FSD1L: variants seen among roughly 807,000 people sequenced by gnomAD.
The protein encoded by FSD1L is FSD1-like protein.
A neutral mutation model predicts 71.6 loss-of-function variants in FSD1L; 45 were observed. The ratio of observed to expected loss-of-function variants is 0.63; its 90% CI spans 0.49 to 0.81. The LOEUF (loss-of-function observed/expected upper bound fraction) is 0.81, where lower values mean the gene tolerates loss of function less well. Among genes scored for constraint, FSD1L ranks in the 30% least tolerant of loss-of-function variants. The pLI is 0.00. For synonymous variants in FSD1L, 197 were observed against 207.2 expected, an observed-to-expected ratio of 0.95 and a Z score of 0.42; for missense variants, 561 against 618.1, an observed-to-expected ratio of 0.91 and a Z score of 0.98.
At chr9:105,452,184 C>G (rs1410145132) in intron 1 of FSD1L, among the ~76,000 whole-genome samples, 1 of 152,188 alleles carries the variant, frequency 6.6e-6, no homozygotes, top group Non-Finnish European at 1.5e-5. Flanking sequence ...AAGCTATGTG[C>G]TATTCTTTGC....
chr9:105,533,814 C>T (rs1836084579), intron 10 of FSD1L, among the ~76,000 whole-genome samples: 2 of 151,666 alleles, frequency 1.3e-5, no homozygotes, highest in Non-Finnish European at 1.5e-5. Flanking sequence ...ACCTCTGACT[C>T]CTGGGTTCAA....
chr9:105,452,879 T>C (rs888525233), intron 1 of FSD1L, among the ~76,000 whole-genome samples: 1 of 151,876 alleles, frequency 6.6e-6, no homozygotes, highest in Non-Finnish European at 1.5e-5. Context: ...GGACTACAGG[T>C]GCATGCCACC....
intron 1 of FSD1L, among the ~76,000 whole-genome samples, chr9:105,456,606 A>G (rs1190354748): frequency 6.6e-6 from 1 of 152,200 alleles, no homozygotes; most frequent in East Asian, 1.9e-4. Context: ...GCTAGGGTGT[A>G]TATGATGCTT....
intron 1 of FSD1L, among the ~76,000 whole-genome samples, chr9:105,452,810 T>A (rs1303833052): frequency 1.3e-5 from 2 of 151,850 alleles, no homozygotes; most frequent in East Asian, 3.9e-4. Flanking sequence ...TGGCTCACCA[T>A]GGCAACCTCT....
rs2131602617 is a variant in FSD1L, at chr9:105,461,559, G to A, written c.55G>A (p.Ala19Thr). The A allele has an allele frequency of 5.8e-6, 9 of 1,551,824 alleles. No individual in the cohort carries two copies. The highest frequency in any genetic ancestry group is 7.8e-6 in the Non-Finnish European group (9 of 1,146,858). The change falls in exon 2 of 14, where the codon GCC becomes ACC. Residue 19 changes from alanine (A) to threonine (T), a missense_variant. By Grantham distance (58) the Ala-to-Thr change is moderately conservative (BLOSUM62 0). Around this residue, in one of 3 missense-constraint regions of FSD1L, gnomAD observed 410 missense variants for 413.5 expected, o/e 0.99. Transcript: ENST00000481272. ...KENENVTVDK[A>T]CFLISNITIG... ...GAATGAAAACGTTACAGTTGATAAA[G>A]CCTGTTTTCTGATCTCTAACATCAC... is the stretch of plus-strand genomic sequence containing the variant.
At chr9:105,460,663 T>C (rs184207453) in intron 1 of FSD1L, among the ~76,000 whole-genome samples, 11 of 152,038 alleles carry the variant, frequency 7.2e-5, no homozygotes, top group Admixed American at 2.6e-4. Flanking sequence ...GATAGTATCA[T>C]AGAAAATGGA....
chr9:105,489,234 C>T lies in FSD1L; in HGVS notation c.586+4732C>T, dbSNP rs538112927. Among the ~76,000 whole-genome samples, 198 of 152,026 alleles carry T rather than the reference C, an allele frequency of 1.3e-3. 2 individuals carry two copies. The highest frequency in any genetic ancestry group is 2.5e-3 in the Non-Finnish European group (171 of 67,974). On this transcript the variant is annotated intron_variant, in intron 7 of 13. Coordinates refer to ENST00000481272, the MANE Select transcript of FSD1L (RefSeq NM_001145313.3). Reference sequence around the variant, plus strand: ...CTATTAGGTAAAATGCATGGTGAAGCCTACATATGCCTTTTTTGGGGCCCA... The same window carrying T: ...CTATTAGGTAAAATGCATGGTGAAGTCTACATATGCCTTTTTTGGGGCCCA...
chr9:105,496,741 G>T (rs1310730372), intron 7 of FSD1L, among the ~76,000 whole-genome samples: 1 of 152,234 alleles, frequency 6.6e-6, no homozygotes, highest in Non-Finnish European at 1.5e-5. Context: ...CTGCAGCCTT[G>T]CTGCAATCAC....
chr9:105,445,980 C>G (rs892349416), upstream of FSD1L, among the ~76,000 whole-genome samples: 7 of 152,164 alleles, frequency 4.6e-5, no homozygotes, highest in African/African-American at 1.7e-4. Flanking sequence ...CTTCTTTTCC[C>G]TTTTGTAACT....
chr9:105,463,534 A>G (rs1293269907), intron 2 of FSD1L, among the ~76,000 whole-genome samples: 1 of 152,246 alleles, frequency 6.6e-6, no homozygotes, highest in Non-Finnish European at 1.5e-5. Context: ...TCACATTTCA[A>G]GACTTCTTTA....
In FSD1L at chr9:105,548,255, T is replaced by A. The variant is rs1837118915; in HGVS notation, c.*1772T>A. On this transcript the variant is annotated 3_prime_UTR_variant, in exon 14 of 14. Coordinates refer to ENST00000481272, the MANE Select transcript of FSD1L (RefSeq NM_001145313.3). ...GTTTGAAAGAAATTTTCAGATGTTC[T>A]GTTCCCTATAGAGGGCCTATTCCAG... The A allele has an allele frequency of 6.6e-6, 1 of 152,150 alleles. No homozygotes were observed. Among genetic ancestry groups the A allele is most frequent in the Non-Finnish European group, 1.5e-5 (1 of 67,968 alleles). 9.4% of individuals were successfully genotyped at this position (152,150 alleles called of 1,614,324 possible). A position where few individuals can be genotyped will look rare whatever the true frequency, so the allele number is the denominator to read the frequency against.
At chr9:105,528,130 G>A (rs1835644151) in intron 10 of FSD1L, among the ~76,000 whole-genome samples, 1 of 152,146 alleles carries the variant, frequency 6.6e-6, no homozygotes, top group Non-Finnish European at 1.5e-5. Context: ...ACTACTCAAG[G>A]AAATAAGGGA....
At chr9:105,487,556 A>T (rs1832632725) in intron 7 of FSD1L, among the ~76,000 whole-genome samples, 1 of 151,878 alleles carries the variant, frequency 6.6e-6, no homozygotes, top group South Asian at 2.1e-4. Flanking sequence ...CTCCCTATTT[A>T]TGAATTTTGT....
intron 10 of FSD1L, chr9:105,526,116 C>T: frequency 6.4e-7 from 1 of 1,555,424 alleles, no homozygotes; most frequent in Middle Eastern, 1.8e-4. Context: ...TCTTTGGTCC[C>T]CTTTTTGATG....
chr9:105,487,224 C>A (rs1713053987), intron 7 of FSD1L, among the ~76,000 whole-genome samples: 1 of 151,920 alleles, frequency 6.6e-6, no homozygotes, highest in African/African-American at 2.4e-5. Context: ...TCATTAGAAA[C>A]AATGCTGAAA....
chr9:105,481,105 TC>T (rs1456399624), intron 6 of FSD1L, among the ~76,000 whole-genome samples: 2 of 149,202 alleles, frequency 1.3e-5, no homozygotes, highest in African/African-American at 5.0e-5. Context: ...TTCATAAGTA[TC>T]CAGGTGATCT....
chr9:105,481,138 A>ACT (rs1832147403), intron 6 of FSD1L, among the ~76,000 whole-genome samples: 2 of 72,256 alleles, frequency 2.8e-5, no homozygotes, highest in Admixed American at 1.7e-4. Flanking sequence ...GTTCAGGCAA[A>ACT]CTCTGTGTGT....
intron 1 of FSD1L, among the ~76,000 whole-genome samples, chr9:105,455,674 G>A (rs925294238): frequency 6.6e-6 from 1 of 152,146 alleles, no homozygotes; most frequent in African/African-American, 2.4e-5. Context: ...CCAGTTGATA[G>A]CTGTGTGACC....
At chr9:105,448,888 A>G (rs1829805933) in intron 1 of FSD1L, among the ~76,000 whole-genome samples, 1 of 152,176 alleles carries the variant, frequency 6.6e-6, no homozygotes, top group African/African-American at 2.4e-5. Context: ...GGAATGTTTT[A>G]TACTTTCCGA....
Sources: allele counts gnomAD v4.1 joint callset (sites outside exome capture counted in the v4.1 genomes callset), GRCh38; gene constraint gnomAD v4.1.1; regional missense constraint gnomAD v4.1.1; transcripts MANE v1.5; gene names NCBI Gene and HGNC (gene_info 2026-07-23, HGNC 2026-07-21).